CECR2: variants seen among roughly 807,000 people sequenced by gnomAD.
CECR2 encodes CECR2 histone acetyl-lysine reader, also known as chromatin remodeling regulator CECR2.
A neutral mutation model predicts 154.5 loss-of-function variants in CECR2; 30 were observed. The ratio of observed to expected loss-of-function variants is 0.19; its 90% CI spans 0.15 to 0.26. The LOEUF is 0.26. Ranked by LOEUF, CECR2 falls within the 10% of genes least tolerant of loss-of-function variation. The pLI is 1.00. For synonymous variants in CECR2, 725 were observed against 683.7 expected, an observed-to-expected ratio of 1.06 and a Z score of -0.94; for missense variants, 1,743 against 1,829.3, an observed-to-expected ratio of 0.95 and a Z score of 0.86.
At chr22:17,498,111 C>G (rs2055664042) in intron 3 of CECR2, among the ~76,000 whole-genome samples, 2 of 152,182 alleles carry the variant, frequency 1.3e-5, no homozygotes, top group Admixed American at 1.3e-4. Flanking sequence ...CTAGAGGGGG[C>G]CGGGTGCTGT....
At chr22:17,517,759 T>C (rs2056084643) in intron 8 of CECR2, among the ~76,000 whole-genome samples, 2 of 152,228 alleles carry the variant, frequency 1.3e-5, no homozygotes, top group Non-Finnish European at 2.9e-5. Flanking sequence ...GGAGAGCTTC[T>C]TAAAGTAGTT....
At chr22:17,472,558 C>G (rs868097575) in intron 1 of CECR2, among the ~76,000 whole-genome samples, 1 of 152,162 alleles carries the variant, frequency 6.6e-6, no homozygotes, top group African/African-American at 2.4e-5. Context: ...TAAAATACAA[C>G]AAACACGATT....
rs576823922 is a variant in CECR2 at position 17,499,264 on chromosome 22, C to G, written c.406-146C>G. The G allele has an allele frequency of 6.7e-5, 58 of 869,336 alleles. No homozygotes were observed. The South Asian group carries it at 9.9e-4, about 15-fold the overall frequency. 53.9% of individuals were successfully genotyped at this position (869,336 alleles called of 1,614,324 possible). ...TCAGCCTCCCAAAGTGCTGGGATTACAGGCGTGAGCCACCACGCCCAGCGA... is the reference window on the plus strand; with the variant it reads ...TCAGCCTCCCAAAGTGCTGGGATTAGAGGCGTGAGCCACCACGCCCAGCGA... On this transcript the variant is annotated intron_variant, in intron 3 of 18. Transcript: ENST00000262608.
chr22:17,535,034 C>T (rs1013463191), intron 9 of CECR2, among the ~76,000 whole-genome samples: 6 of 151,980 alleles, frequency 3.9e-5, no homozygotes, highest in African/African-American at 1.4e-4. Flanking sequence ...GCCTGTAGTC[C>T]CAGCTATTCG....
chr22:17,533,934 G>A (rs946322611), intron 9 of CECR2, among the ~76,000 whole-genome samples: 7 of 151,714 alleles, frequency 4.6e-5, no homozygotes, highest in African/African-American at 1.2e-4. Flanking sequence ...GGCTGGTCTC[G>A]AACTCCCGAC....
upstream of CECR2, among the ~76,000 whole-genome samples, chr22:17,367,064 G>C (rs2063005869): frequency 6.6e-6 from 1 of 152,212 alleles, no homozygotes; most frequent in Non-Finnish European, 1.5e-5. Context: ...GAGAGACAGG[G>C]CGGATCTCCG....
chr22:17,403,135 G>T (rs983193205), intron 1 of CECR2, among the ~76,000 whole-genome samples: 1 of 152,184 alleles, frequency 6.6e-6, no homozygotes, highest in Non-Finnish European at 1.5e-5. Flanking sequence ...TGTCATCAGC[G>T]TGGACTCATT....
chr22:17,365,908 C>G (rs2062999948), upstream of CECR2, among the ~76,000 whole-genome samples: 1 of 151,572 alleles, frequency 6.6e-6, no homozygotes, highest in Admixed American at 6.6e-5. Context: ...CTCCAGGAAC[C>G]TATATAAATC....
chr22:17,410,841 A>T (rs2054058080), intron 1 of CECR2, among the ~76,000 whole-genome samples: 2 of 152,218 alleles, frequency 1.3e-5, no homozygotes, highest in Admixed American at 1.3e-4. Flanking sequence ...CTAGAAGCCC[A>T]CATTTGTCTT....
chr22:17,378,106 C>CCTG (rs1309109603), intron 1 of CECR2, among the ~76,000 whole-genome samples: 1 of 151,338 alleles, frequency 6.6e-6, no homozygotes, highest in Admixed American at 6.6e-5. Flanking sequence ...GCCTCAGCCT[C>CCTG]CTGAGTAGCT....
At chr22:17,521,524 CA>C (rs695285) in intron 8 of CECR2, among the ~76,000 whole-genome samples, 97,603 of 142,296 alleles carry the variant, frequency 0.69, 33,372 homozygotes, top group African/African-American at 0.82. Context: ...GACTCCATCT[CA>C]AAAAAAAAAA....
At chr22:17,482,473 A>C (rs919287835) in intron 2 of CECR2, among the ~76,000 whole-genome samples, 2 of 152,162 alleles carry the variant, frequency 1.3e-5, no homozygotes, top group Non-Finnish European at 2.9e-5. Flanking sequence ...AACAACTCTT[A>C]CTGGTTTCTG....
intron 6 of CECR2, among the ~76,000 whole-genome samples, chr22:17,503,537 T>TA (rs1178493852): frequency 6.6e-6 from 1 of 152,216 alleles, no homozygotes. Context: ...GGGAGGCACA[T>TA]ACCAGTTTGC....
chr22:17,519,147 T>C (rs2056111082), intron 8 of CECR2: 1 of 154,290 alleles, frequency 6.5e-6, no homozygotes, highest in African/African-American at 2.4e-5. Flanking sequence ...TAGTAAGTGG[T>C]TTCTTTCACA....
At chr22:17,527,698 CAG>C (rs2056287816) in intron 9 of CECR2, among the ~76,000 whole-genome samples, 1 of 146,890 alleles carries the variant, frequency 6.8e-6, no homozygotes, top group Non-Finnish European at 1.5e-5. Flanking sequence ...ACCTGGGAGA[CAG>C]AGGTGGCAGT....
intron 1 of CECR2, among the ~76,000 whole-genome samples, chr22:17,385,740 C>T (rs1464199605): frequency 6.6e-6 from 1 of 152,020 alleles, no homozygotes; most frequent in Admixed American, 6.6e-5. Context: ...AGGGTCGGCA[C>T]GAAATCTTCA....
At chr22:17,448,054 T>TA (rs532750074) in intron 1 of CECR2, among the ~76,000 whole-genome samples, 187 of 152,340 alleles carry the variant, frequency 1.2e-3, no homozygotes, top group African/African-American at 4.4e-3. Context: ...TACACTATTT[T>TA]TAAATAGTTT....
intron 17 of CECR2, chr22:17,550,296 C>T (rs563535796): frequency 1.9e-4 from 36 of 187,246 alleles, no homozygotes; most frequent in African/African-American, 7.4e-4. Context: ...TACAGGTGCC[C>T]GCCACCACAC....
chr22:17,494,356 TTTTTCA>T (rs2055583711), intron 2 of CECR2, among the ~76,000 whole-genome samples: 1 of 151,892 alleles, frequency 6.6e-6, no homozygotes, highest in South Asian at 2.1e-4. Flanking sequence ...CTGGCCAAAC[TTTTTCA>T]TTTTCAAATT....
Sources: allele counts gnomAD v4.1 joint callset (sites outside exome capture counted in the v4.1 genomes callset), GRCh38; gene constraint gnomAD v4.1.1; transcripts MANE v1.5; gene names NCBI Gene and HGNC (gene_info 2026-07-23, HGNC 2026-07-21).